The following FAM120C variants were observed in gnomAD, a reference collection of about 807,000 sequenced individuals.
FAM120C encodes the protein family with sequence similarity 120 member C, also known as constitutive coactivator of PPAR-gamma-like protein 2.
A neutral mutation model predicts 71.2 loss-of-function variants in FAM120C; 14 were observed. That is an observed-to-expected ratio of 0.20 (90% CI 0.13 to 0.31). The LOEUF is 0.31. Ranked by LOEUF, FAM120C falls within the 10% of genes least tolerant of loss-of-function variation. FAM120C has a pLI of 1.00. For synonymous variants in FAM120C, 354 were observed against 353.2 expected, an observed-to-expected ratio of 1.00 and a Z score of -0.03; for missense variants, 500 against 879.0, an observed-to-expected ratio of 0.57 and a Z score of 5.45.
In FAM120C at chrX:54,117,661, G is replaced by A. The variant is rs1259564810; in HGVS notation, c.2063-867C>T. On this transcript the variant is annotated intron_variant, in intron 9 of 15. Coordinates refer to ENST00000375180, the MANE Select transcript of FAM120C (RefSeq NM_017848.6). The stretch of plus-strand genomic sequence containing the variant: ...TGCAGTGAGCCAAGATCAAGTCACC[G>A]CACTGCAGCCTGGGCGACAGAGCGA... Among the ~76,000 whole-genome samples the A allele has an allele frequency of 4.6e-5, 5 of 108,219 alleles. No homozygotes were observed. In the East Asian group the frequency reaches 1.2e-3, roughly 25 times the overall value. 94.0% of individuals were successfully genotyped at this position (108,219 alleles called of 115,157 possible). A position where few individuals can be genotyped will look rare whatever the true frequency, so the allele number is the denominator to read the frequency against.
At position 54,106,120 on chromosome X, in the gene FAM120C, G is replaced by A. The variant is rs190552372; in HGVS notation, c.2312+10425C>T. ...TAGCCAAGACAATCCTAAGCAAAAA[G>A]AACAAAGCTGGAGGCATCATGCTAC... On this transcript the variant is annotated intron_variant, in intron 10 of 15. Transcript: ENST00000375180. Among the ~76,000 whole-genome samples the A allele has an allele frequency of 1.6e-3, 183 of 111,564 alleles. 2 individuals are homozygous for A. Among genetic ancestry groups the A allele is most frequent in the African/African-American group, 5.6e-3 (171 of 30,767 alleles).
intron 4 of FAM120C, among the ~76,000 whole-genome samples, chrX:54,138,495 CA>C (rs781947470): frequency 0.015 from 616 of 40,986 alleles, 8 homozygotes; most frequent in African/African-American, 0.066. Context: ...GACACTGTCT[CA>C]AAAAAAAAAA....
chrX:54,162,286 CCT>C (rs1275565632), intron 1 of FAM120C, among the ~76,000 whole-genome samples: 4 of 111,627 alleles, frequency 3.6e-5, no homozygotes, highest in African/African-American at 6.5e-5. Context: ...CTCCTCCTTC[CCT>C]GTCTTTGCTC....
In FAM120C at chrX:54,107,400, A is replaced by T. The variant is rs189035921; in HGVS notation, c.2312+9145T>A. 1.4e-4 allele frequency among the ~76,000 whole-genome samples: 15 copies of T among 110,525 alleles called. No homozygotes were observed. In the East Asian group the frequency reaches 4.0e-3, roughly 29 times the overall value. On this transcript the variant is annotated intron_variant, in intron 10 of 15. Coordinates refer to ENST00000375180, the MANE Select transcript of FAM120C (RefSeq NM_017848.6). ...GCATGAGGCACCGCACCAGCCTACT[A>T]TATATTTTAGAAAGAAGGTAAATGA...
At chrX:54,123,771 T>C (rs1557127498) in intron 9 of FAM120C, among the ~76,000 whole-genome samples, 1 of 73,743 alleles carries the variant, frequency 1.4e-5, no homozygotes, top group Non-Finnish European at 2.5e-5. Flanking sequence ...AGGAACTGCG[T>C]TCCTTTGGAG....
intron 9 of FAM120C, among the ~76,000 whole-genome samples, chrX:54,126,626 C>T (rs1456831512): frequency 8.9e-6 from 1 of 112,535 alleles, no homozygotes; most frequent in African/African-American, 3.2e-5. Context: ...TTCTTAGTTT[C>T]CTGATAGTTC....
At chrX:54,134,395 G>A (rs190972854) in intron 7 of FAM120C, among the ~76,000 whole-genome samples, 177 of 112,258 alleles carry the variant, frequency 1.6e-3, no homozygotes, top group African/African-American at 5.4e-3. Flanking sequence ...AATAATCAAC[G>A]AACAAATGAG....
intron 2 of FAM120C, 98 bp downstream of exon 2, chrX:54,159,272 A>G: frequency 4.7e-6 from 5 of 1,063,166 alleles, no homozygotes; most frequent in Non-Finnish European, 6.4e-6. Flanking sequence ...TTAAGAAGAC[A>G]AATCTAATGA....
chrX:54,068,784 TAGAAC>T lies in FAM120C; in HGVS notation c.*4244_*4248del, dbSNP rs200175983. The T allele has an allele frequency of 5.5e-4, 43 of 78,739 alleles. No homozygotes were observed. The highest frequency in any genetic ancestry group is 1.7e-3 in the African/African-American group (41 of 23,739). The allele number at this position is 78,739 out of a possible 1,213,427, so 6.5% of individuals were successfully genotyped here. A position where few individuals can be genotyped will look rare whatever the true frequency, so the allele number is the denominator to read the frequency against. On this transcript the variant is annotated 3_prime_UTR_variant, in exon 16 of 16. Coordinates refer to ENST00000375180, the MANE Select transcript of FAM120C (RefSeq NM_017848.6). Reference sequence around the variant, plus strand: ...ATTCTAAAAACAGAATAGAACAGAATAGAACAGAATAGAATAGAATAGAATAGAAT... The same window carrying T: ...ATTCTAAAAACAGAATAGAACAGAATAGAATAGAATAGAATAGAATAGAAT...
At chrX:54,078,856 A>C (rs1259031512) in intron 15 of FAM120C, among the ~76,000 whole-genome samples, 1 of 110,486 alleles carries the variant, frequency 9.1e-6, no homozygotes, top group African/African-American at 3.3e-5. Flanking sequence ...GATATAATCC[A>C]AGGCATGGAT....
chrX:54,129,126 G>C (rs1311910037), intron 9 of FAM120C, among the ~76,000 whole-genome samples: 1 of 106,333 alleles, frequency 9.4e-6, no homozygotes, highest in Non-Finnish European at 2.0e-5. Context: ...CCTCCCGGAC[G>C]GGGCGGCCGG....
At chrX:54,086,993 T>C (rs1188930431) in intron 12 of FAM120C, among the ~76,000 whole-genome samples, 1 of 109,493 alleles carries the variant, frequency 9.1e-6, no homozygotes, top group Non-Finnish European at 1.9e-5. Context: ...CCCACCAAAA[T>C]GGATAAAGGA....
intron 1 of FAM120C, among the ~76,000 whole-genome samples, chrX:54,180,963 G>A (rs2067345932): frequency 9.1e-6 from 1 of 110,034 alleles, no homozygotes; most frequent in Non-Finnish European, 1.9e-5. Context: ...TGGAAAGAAT[G>A]GCCATGAATA....
At position 54,165,236 on chromosome X, in the gene FAM120C, G is replaced by C. The variant is rs369644097; in HGVS notation, c.700-5620C>G. On this transcript the variant is annotated intron_variant, in intron 1 of 15. Coordinates refer to ENST00000375180, the MANE Select transcript of FAM120C (RefSeq NM_017848.6). ...GATTGTCCCGAAAATGTCTTTCGATGGTTGCTTTGTTCAAATCAGGATTCA... is the reference window on the plus strand; with the variant it reads ...GATTGTCCCGAAAATGTCTTTCGATCGTTGCTTTGTTCAAATCAGGATTCA... Among the ~76,000 whole-genome samples the C allele has an allele frequency of 2.7e-5, 3 of 111,203 alleles. No individual in the cohort carries two copies. In the East Asian group the frequency reaches 8.4e-4, roughly 31 times the overall value.
intron 1 of FAM120C, among the ~76,000 whole-genome samples, chrX:54,166,305 A>G (rs2067259066): frequency 8.9e-6 from 1 of 112,047 alleles, no homozygotes; most frequent in South Asian, 3.7e-4. Flanking sequence ...TAGAATCTCT[A>G]GGGAGAGCGA....
At chrX:54,073,318 G>T in intron 15 of FAM120C, 31 bp from the exon 16 acceptor site, 1 of 1,175,021 alleles carries the variant, frequency 8.5e-7, no homozygotes. Flanking sequence ...CAGTGGAAAT[G>T]GGAATCCCAG....
chrX:54,165,453 T>A (rs782356637), intron 1 of FAM120C, among the ~76,000 whole-genome samples: 1 of 111,536 alleles, frequency 9.0e-6, no homozygotes, highest in Non-Finnish European at 1.9e-5. Flanking sequence ...AAAACATGGA[T>A]CCATACTTCA....
At chrX:54,136,653 C>A in intron 4 of FAM120C, 63 bp from the exon 5 acceptor site, 1 of 756,802 alleles carries the variant, frequency 1.3e-6, no homozygotes, top group South Asian at 2.8e-5. Flanking sequence ...TAATACAGTT[C>A]ATAATTTGGG....
rs1294445834 is a variant in FAM120C at position 54,125,672 on chromosome X, ATTC to A, written c.2062+7017_2062+7019del. On this transcript the variant is annotated intron_variant, in intron 9 of 15. Transcript: ENST00000375180. ...CAGGTTCAGCAATTGCTTTCAACTT[ATTC>A]TTCCTTTTCAAAAATCATTTTAGCT... Among the ~76,000 whole-genome samples the A allele has an allele frequency of 2.7e-5, 3 of 112,914 alleles. No individual in the cohort carries two copies. The East Asian group carries it at 8.4e-4, about 32-fold the overall frequency.
Sources: gnomAD v4.1 joint callset for allele counts (sites outside exome capture counted in the v4.1 genomes callset) on GRCh38, gnomAD v4.1.1 for gene constraint, MANE v1.5 for transcripts, NCBI Gene and HGNC (gene_info 2026-07-23, HGNC 2026-07-21) for gene names.